Variants in GRID1 observed in about 807,000 individuals in gnomAD.
GRID1 encodes the protein glutamate ionotropic receptor delta type subunit 1.
In GRID1, 28 loss-of-function variants were observed where a neutral mutation model predicts 98.0. The ratio of observed to expected loss-of-function variants is 0.29; its 90% CI spans 0.21 to 0.39. The LOEUF (loss-of-function observed/expected upper bound fraction) is 0.39. Ranked by LOEUF, GRID1 falls within the 10% of genes least tolerant of loss-of-function variation. GRID1 has a pLI of 1.00. For synonymous variants in GRID1, 553 were observed against 538.5 expected, an observed-to-expected ratio of 1.03 and a Z score of -0.37; for missense variants, 1,111 against 1,340.5, an observed-to-expected ratio of 0.83 and a Z score of 2.67.
At chr10:86,346,558 T>C (rs1848385251) in intron 2 of GRID1, among the ~76,000 whole-genome samples, 2 of 152,222 alleles carry the variant, frequency 1.3e-5, no homozygotes, top group Admixed American at 1.3e-4. Flanking sequence ...GGGCCCTAGC[T>C]TTGCCTCACA....
intron 4 of GRID1, among the ~76,000 whole-genome samples, chr10:85,995,409 G>C (rs1842728869): frequency 6.6e-6 from 1 of 152,198 alleles, no homozygotes; most frequent in African/African-American, 2.4e-5. Flanking sequence ...GTGAGGAAGA[G>C]TTTCGGACCC....
chr10:85,647,684 C>T (rs1445479695), intron 12 of GRID1: 1 of 346,022 alleles, frequency 2.9e-6, no homozygotes, highest in African/African-American at 2.0e-5. Context: ...ATGAGTAAGA[C>T]ATGATTCCTG....
chr10:85,610,021 G>A (rs1842715871), intron 15 of GRID1, among the ~76,000 whole-genome samples: 1 of 152,198 alleles, frequency 6.6e-6, no homozygotes, highest in Non-Finnish European at 1.5e-5. Context: ...TCAAGTAAGT[G>A]TCTAAACTGT....
chr10:86,065,915 T>G (rs1407909962), intron 4 of GRID1, among the ~76,000 whole-genome samples: 1 of 152,242 alleles, frequency 6.6e-6, no homozygotes, highest in South Asian at 2.1e-4. Context: ...CTGTACAGAC[T>G]GGGAGGCAGT....
At chr10:85,989,824 T>C (rs1195265119) in intron 4 of GRID1, among the ~76,000 whole-genome samples, 3 of 152,226 alleles carry the variant, frequency 2.0e-5, no homozygotes, top group Non-Finnish European at 4.4e-5. Context: ...CTGCAAAATT[T>C]ACATGTTGAA....
At chr10:85,912,246 C>G (rs1020944839) in intron 5 of GRID1, among the ~76,000 whole-genome samples, 1 of 152,184 alleles carries the variant, frequency 6.6e-6, no homozygotes, top group African/African-American at 2.4e-5. Context: ...CTAAGGTAAT[C>G]TGCAACCTAA....
At chr10:85,696,794 C>A (rs753997115) in intron 12 of GRID1, among the ~76,000 whole-genome samples, 4 of 151,868 alleles carry the variant, frequency 2.6e-5, no homozygotes, top group Non-Finnish European at 5.9e-5. Flanking sequence ...AAGCTATAAA[C>A]TTTCCTTTAA....
chr10:85,753,997 A>C (rs953762430), intron 8 of GRID1, among the ~76,000 whole-genome samples: 5 of 152,244 alleles, frequency 3.3e-5, no homozygotes, highest in African/African-American at 1.2e-4. Context: ...CAAATATTGT[A>C]AAGCTTAAAT....
intron 4 of GRID1, among the ~76,000 whole-genome samples, chr10:86,000,123 A>C (rs546240654): frequency 6.6e-6 from 1 of 152,356 alleles, no homozygotes; most frequent in South Asian, 2.1e-4. Context: ...GAAATTTAGC[A>C]AAGTGGCATG....
At chr10:86,167,592 G>A (rs1845418704) in intron 3 of GRID1, among the ~76,000 whole-genome samples, 1 of 152,170 alleles carries the variant, frequency 6.6e-6, no homozygotes, top group Admixed American at 6.5e-5. Flanking sequence ...CAAGATGTCA[G>A]GTGTGCACCA....
intron 2 of GRID1, among the ~76,000 whole-genome samples, chr10:86,248,785 G>A (rs1338933007): frequency 6.6e-6 from 1 of 152,044 alleles, no homozygotes; most frequent in Non-Finnish European, 1.5e-5. Flanking sequence ...GTTGCTCAGG[G>A]TGGTCTTGAA....
At chr10:86,274,948 G>A (rs1847246492) in intron 2 of GRID1, among the ~76,000 whole-genome samples, 1 of 152,114 alleles carries the variant, frequency 6.6e-6, no homozygotes, top group Admixed American at 6.5e-5. Context: ...CCAACACTAT[G>A]TTGAATAGGA....
At chr10:86,243,265 C>T (rs548160437) in intron 2 of GRID1, among the ~76,000 whole-genome samples, 1 of 152,294 alleles carries the variant, frequency 6.6e-6, no homozygotes, top group African/African-American at 2.4e-5. Context: ...TCTGCAGACC[C>T]GTGCTCAATA....
chr10:85,617,227 C>G (rs990749134), intron 14 of GRID1, among the ~76,000 whole-genome samples: 1 of 103,668 alleles, frequency 9.6e-6, no homozygotes, highest in South Asian at 3.5e-4. Flanking sequence ...ACAACAAAGC[C>G]CCCCCCCCCT....
intron 8 of GRID1, among the ~76,000 whole-genome samples, chr10:85,738,325 G>T (rs1230681739): frequency 6.6e-6 from 1 of 152,166 alleles, no homozygotes; most frequent in Admixed American, 6.5e-5. Flanking sequence ...TGCAAAGTAA[G>T]GTCACAAGGC....
chr10:86,075,402 A>C (rs976681703), intron 4 of GRID1, among the ~76,000 whole-genome samples: 11 of 150,486 alleles, frequency 7.3e-5, no homozygotes, highest in Non-Finnish European at 1.5e-4. Context: ...TGCTGCCACA[A>C]GCCAAGGAAG....
At chr10:85,941,971 G>C (rs1262908885) in intron 4 of GRID1, among the ~76,000 whole-genome samples, 1 of 152,190 alleles carries the variant, frequency 6.6e-6, no homozygotes, top group Non-Finnish European at 1.5e-5. Flanking sequence ...CGGTGCTGAA[G>C]TGTGCAGTGG....
chr10:86,229,799 C>T (rs1186605971), intron 2 of GRID1, among the ~76,000 whole-genome samples: 1 of 152,192 alleles, frequency 6.6e-6, no homozygotes, highest in Non-Finnish European at 1.5e-5. Flanking sequence ...ACAACCTCCC[C>T]CACTTCACTA....
At chr10:85,713,631 T>TAAA (rs34974084) in intron 12 of GRID1, among the ~76,000 whole-genome samples, 6 of 141,070 alleles carry the variant, frequency 4.3e-5, no homozygotes, top group Non-Finnish European at 6.2e-5. Flanking sequence ...AATAGCACAT[T>TAAA]AAAAAAAAAA....
Sources: allele counts gnomAD v4.1 joint callset (sites outside exome capture counted in the v4.1 genomes callset), GRCh38; gene constraint gnomAD v4.1.1; transcripts MANE v1.5; gene names NCBI Gene and HGNC (gene_info 2026-07-23, HGNC 2026-07-21).